Variants in ALDH1A3 observed in about 807,000 individuals in gnomAD.
ALDH1A3 encodes the protein aldehyde dehydrogenase 1 family member A3.
A neutral mutation model predicts 57.5 loss-of-function variants in ALDH1A3; 28 were observed. That is an observed-to-expected ratio of 0.49 (90% CI 0.36 to 0.67). ALDH1A3 has a LOEUF of 0.67. Among genes scored for constraint, ALDH1A3 ranks in the 30% least tolerant of loss-of-function variants. The pLI is 0.00. For missense variants in ALDH1A3, 507 were observed against 669.4 expected (o/e 0.76, Z 2.68); for synonymous variants, 281 against 264.8 (o/e 1.06, Z -0.59).
At chr15:100,908,972 C>T (rs1241969089) in intron 12 of ALDH1A3, among the ~76,000 whole-genome samples, 3 of 152,260 alleles carry the variant, frequency 2.0e-5, no homozygotes, top group East Asian at 3.9e-4. Context: ...TGGGCCTCTG[C>T]GGCCCTCTCA....
At chr15:100,901,088 T>G (rs752133772) in intron 9 of ALDH1A3, among the ~76,000 whole-genome samples, 32 of 152,154 alleles carry the variant, frequency 2.1e-4, no homozygotes, top group Non-Finnish European at 4.3e-4. Flanking sequence ...GCAGGCAGCG[T>G]GTGGCCTGGA....
chr15:100,908,262 G>A, intron 11 of ALDH1A3, 146 bp from the exon 12 acceptor site: 1 of 651,518 alleles, frequency 1.5e-6, no homozygotes, highest in Non-Finnish European at 2.6e-6. Context: ...GACAAAAGTT[G>A]AGAGCACCCT....
chr15:100,903,846 T>A (rs1290995247), intron 9 of ALDH1A3, among the ~76,000 whole-genome samples: 1 of 152,258 alleles, frequency 6.6e-6, no homozygotes, highest in Non-Finnish European at 1.5e-5. Context: ...TGCAAGCTGT[T>A]AGGCATTTTT....
intron 8 of ALDH1A3, among the ~76,000 whole-genome samples, chr15:100,898,500 C>T (rs919098798): frequency 2.6e-5 from 4 of 152,350 alleles, no homozygotes; most frequent in South Asian, 2.1e-4. Flanking sequence ...GCTGGGGTCA[C>T]GAGGAGCAGG....
In ALDH1A3 at chr15:100,894,331, G is replaced by C; in HGVS notation, c.666+249G>C. The C allele has an allele frequency of 2.5e-6, 1 of 400,938 alleles. No individual in the cohort carries two copies. The highest frequency in any genetic ancestry group is 4.5e-6 in the Non-Finnish European group (1 of 222,816). 24.8% of individuals were successfully genotyped at this position (400,938 alleles called of 1,614,324 possible). ...CTCTTATTATGGGCTCAAACCTATGGTTGAGGACCCAGTGGTTTGTCTAGA... is the reference window on the plus strand; with the variant it reads ...CTCTTATTATGGGCTCAAACCTATGCTTGAGGACCCAGTGGTTTGTCTAGA... On this transcript the variant is annotated intron_variant, in intron 6 of 12. Transcript: ENST00000329841. The surrounding 1 kb of genome is among the most constrained non-coding windows in gnomAD (Gnocchi z 4.5).
chr15:100,896,612 C>T (rs116705951), intron 7 of ALDH1A3, among the ~76,000 whole-genome samples: 163 of 152,258 alleles, frequency 1.1e-3, no homozygotes, highest in African/African-American at 3.6e-3. Flanking sequence ...AGGTGCTCAG[C>T]GACACTTGCC....
chr15:100,911,317 G>A (rs558464049), intron 12 of ALDH1A3, among the ~76,000 whole-genome samples: 27 of 152,326 alleles, frequency 1.8e-4, no homozygotes, highest in Admixed American at 4.6e-4. Context: ...GGGCCCCTCC[G>A]GGAGCTGTTT....
rs546973203 is a variant in ALDH1A3, at chr15:100,915,150, C to A, written c.*377C>A. 1.4e-5 allele frequency: 3 copies of A among 215,032 alleles called. No homozygotes were observed. Among genetic ancestry groups the A allele is most frequent in the African/African-American group, 4.5e-5 (2 of 44,840 alleles). The allele number at this position is 215,032 out of a possible 1,614,324, so 13.3% of individuals were successfully genotyped here. A position where few individuals can be genotyped will look rare whatever the true frequency, so the allele number is the denominator to read the frequency against. ...TGACTCCAGTAAGAATGTGGGAAAA[C>A]CCCCTGTGTGTTCTGCAAGCAGGGC... On this transcript the variant is annotated 3_prime_UTR_variant, in exon 13 of 13. Transcript: ENST00000329841.
chr15:100,901,924 C>A (rs996597531), intron 9 of ALDH1A3, among the ~76,000 whole-genome samples: 3 of 152,194 alleles, frequency 2.0e-5, no homozygotes, highest in Non-Finnish European at 4.4e-5. Context: ...GCAGAAAGCA[C>A]TTCTTGTGGC....
In ALDH1A3 at chr15:100,896,055, C is replaced by T. The variant is rs2041700252; in HGVS notation, c.780+9C>T. 6.3e-7 allele frequency: 1 copy of T among 1,598,856 alleles called. No homozygotes were observed. Among genetic ancestry groups the T allele is most frequent in the Non-Finnish European group, 8.5e-7 (1 of 1,171,002 alleles). On this transcript the variant is annotated intron_variant, in intron 7 of 12. Coordinates refer to ENST00000329841, the MANE Select transcript of ALDH1A3 (RefSeq NM_000693.4). Reference sequence around the variant, plus strand: ...TCACCGGCTCCACAGAGGTAACCCTCCTCACAGGGTGCTGGGGAAAGTGAA... The same window carrying T: ...TCACCGGCTCCACAGAGGTAACCCTTCTCACAGGGTGCTGGGGAAAGTGAA...
rs747433021 is a variant in ALDH1A3 at position 100,905,597 on chromosome 15, CGG to C, written c.1147_1148del (p.Gly383LeufsTer51). 1 of 1,613,818 alleles carries C rather than the reference CGG, an allele frequency of 6.2e-7. No individual in the cohort carries two copies. On this transcript the variant is annotated frameshift_variant, in exon 10 of 13. Transcript: ENST00000329841. LOFTEE classifies it high-confidence loss of function. ...GKKEGAKLEC[G>X]GSAMEDKGLF... is the part of the protein sequence containing the mutation. ...AGAAGGAAGGGGCCAAGCTGGAATG[CGG>C]GGGCTCAGCCATGGAAGACAAGGGG...
Position 100,889,846 on chromosome 15 carries a change from T to C in ALDH1A3, c.345+2134T>C, listed in dbSNP as rs536337153. On this transcript the variant is annotated intron_variant, in intron 3 of 12. Coordinates refer to ENST00000329841, the MANE Select transcript of ALDH1A3 (RefSeq NM_000693.4). This position sits in a 1 kb window ranked among gnomAD's most constrained non-coding sequence, Gnocchi z 5.1. The stretch of plus-strand genomic sequence containing the variant: ...TAAGATCCAGCTCTTTGCCACAACA[T>C]GAAAGGGACAAGAGAATTACTGGCA... 5.3e-5 allele frequency among the ~76,000 whole-genome samples: 8 copies of C among 152,228 alleles called. No homozygotes were observed. Among genetic ancestry groups the C allele is most frequent in the African/African-American group, 1.9e-4 (8 of 41,526 alleles).
In ALDH1A3 at chr15:100,896,056, C is replaced by T. The variant is rs774457775; in HGVS notation, c.780+10C>T. 6.3e-7 allele frequency: 1 copy of T among 1,597,590 alleles called. No individual in the cohort carries two copies. The highest frequency in any genetic ancestry group is 1.1e-5 in the South Asian group (1 of 88,518). On this transcript the variant is annotated intron_variant, in intron 7 of 12. Coordinates refer to ENST00000329841, the MANE Select transcript of ALDH1A3 (RefSeq NM_000693.4). ...CACCGGCTCCACAGAGGTAACCCTC[C>T]TCACAGGGTGCTGGGGAAAGTGAAA...
intron 3 of ALDH1A3, chr15:100,888,386 G>A (rs903378079): frequency 6.6e-6 from 1 of 152,222 alleles, no homozygotes; most frequent in Non-Finnish European, 1.5e-5. Context: ...TGGGATTACA[G>A]ATGTGAGCCA....
intron 12 of ALDH1A3, 21 bp downstream of exon 12, chr15:100,908,503 G>C (rs2141572058): frequency 6.3e-7 from 1 of 1,598,134 alleles, no homozygotes; most frequent in Non-Finnish European, 8.6e-7. Context: ...CCATCATTCT[G>C]AGCCTGCCGT....
At chr15:100,901,500 C>G (rs528083916) in intron 9 of ALDH1A3, among the ~76,000 whole-genome samples, 19 of 152,258 alleles carry the variant, frequency 1.2e-4, no homozygotes, top group Middle Eastern at 3.4e-3. Context: ...TTGTGTCTAT[C>G]CCGGGAGGCT....
At chr15:100,895,578 TCACA>T (rs562897618) in intron 6 of ALDH1A3, 10 of 276,412 alleles carry the variant, frequency 3.6e-5, no homozygotes, top group South Asian at 1.4e-4. Context: ...ACACTCTCCC[TCACA>T]CACACACACA....
intron 12 of ALDH1A3, among the ~76,000 whole-genome samples, chr15:100,910,868 A>C (rs1200628734): frequency 6.6e-6 from 1 of 152,226 alleles, no homozygotes; most frequent in Non-Finnish European, 1.5e-5. Context: ...TAGAAGCTGC[A>C]GGGCCCCCAA....
intron 6 of ALDH1A3, 32 bp from the exon 7 acceptor site, chr15:100,895,901 C>T (rs749710914): frequency 1.3e-6 from 2 of 1,559,584 alleles, no homozygotes; most frequent in South Asian, 1.2e-5. Flanking sequence ...GAAGTCCGTT[C>T]TTCTTCAAGT....
Sources: allele counts gnomAD v4.1 joint callset (sites outside exome capture counted in the v4.1 genomes callset), GRCh38; gene constraint gnomAD v4.1.1; non-coding constraint Gnocchi (gnomAD v3.1); transcripts MANE v1.5; gene names NCBI Gene and HGNC (gene_info 2026-07-23, HGNC 2026-07-21).